Variants in ETV6 observed in about 807,000 individuals in gnomAD.
ETV6 encodes the protein transcription factor ETV6.
In ETV6, 16 loss-of-function variants were observed where a neutral mutation model predicts 51.1. The ratio of observed to expected loss-of-function variants is 0.31; its 90% CI spans 0.21 to 0.48. The LOEUF is 0.48. Ranked by LOEUF, ETV6 falls within the 20% of genes least tolerant of loss-of-function variation. ETV6 has a pLI of 0.99. For synonymous variants in ETV6, 240 were observed against 224.1 expected (o/e 1.07, Z -0.64); for missense variants, 458 against 594.8 (o/e 0.77, Z 2.39).
At chr12:11,809,217 T>C (rs1591688658) in intron 2 of ETV6, among the ~76,000 whole-genome samples, 3 of 144,836 alleles carry the variant, frequency 2.1e-5, no homozygotes, top group Admixed American at 2.1e-4. Context: ...GATAATGGCA[T>C]GATGAAACAG....
chr12:11,839,747 G>T (rs1478964778), intron 3 of ETV6, among the ~76,000 whole-genome samples: 1 of 152,164 alleles, frequency 6.6e-6, no homozygotes, highest in Admixed American at 6.5e-5. Context: ...GAGTGTGGTG[G>T]TGTACACCTG....
At chr12:11,747,420 A>G (rs1449635198) in intron 1 of ETV6, among the ~76,000 whole-genome samples, 4 of 152,104 alleles carry the variant, frequency 2.6e-5, no homozygotes, top group African/African-American at 9.7e-5. Context: ...AAAAGAAATC[A>G]TGAACTTCAC....
intron 2 of ETV6, among the ~76,000 whole-genome samples, chr12:11,787,017 A>G (rs188835414): frequency 5.9e-5 from 9 of 152,326 alleles, no homozygotes; most frequent in South Asian, 2.1e-4. Context: ...ATCTAGTCCA[A>G]TTATGCCCCC....
intron 3 of ETV6, among the ~76,000 whole-genome samples, chr12:11,853,024 T>C (rs1218922743): frequency 6.6e-6 from 1 of 152,106 alleles, no homozygotes; most frequent in African/African-American, 2.4e-5. Flanking sequence ...CTGTCTCTAC[T>C]GAAAATACAA....
chr12:11,699,374 T>C (rs1864936234), intron 1 of ETV6, among the ~76,000 whole-genome samples: 2 of 152,230 alleles, frequency 1.3e-5, no homozygotes, highest in Admixed American at 6.5e-5. Context: ...AATTAAGCAT[T>C]ACCCATTTTA....
intron 5 of ETV6, among the ~76,000 whole-genome samples, chr12:11,880,713 T>G (rs1947078006): frequency 6.6e-6 from 1 of 152,200 alleles, no homozygotes; most frequent in Non-Finnish European, 1.5e-5. Flanking sequence ...GTCACCCACC[T>G]TCATATGGGC....
At chr12:11,726,023 C>T (rs929272901) in intron 1 of ETV6, among the ~76,000 whole-genome samples, 3 of 152,198 alleles carry the variant, frequency 2.0e-5, no homozygotes, top group African/African-American at 7.2e-5. Context: ...CATCTGACTC[C>T]CTCCAGTTGC....
At chr12:11,837,338 G>A (rs569877380) in intron 2 of ETV6, among the ~76,000 whole-genome samples, 1 of 152,168 alleles carries the variant, frequency 6.6e-6, no homozygotes, top group South Asian at 2.1e-4. Flanking sequence ...GCTCTTAAAT[G>A]CTCATCTCTA....
At chr12:11,770,102 C>T (rs1945221605) in intron 2 of ETV6, among the ~76,000 whole-genome samples, 1 of 152,116 alleles carries the variant, frequency 6.6e-6, no homozygotes. Context: ...TGAGTTATAT[C>T]ATCTTCTTCA....
chr12:11,757,124 G>C (rs898875234), intron 2 of ETV6, among the ~76,000 whole-genome samples: 3 of 152,150 alleles, frequency 2.0e-5, no homozygotes, highest in Admixed American at 6.5e-5. Flanking sequence ...GTTTTCTGGA[G>C]TCAGAACACC....
intron 2 of ETV6, among the ~76,000 whole-genome samples, chr12:11,776,298 C>G (rs1945323171): frequency 1.6e-5 from 1 of 61,048 alleles, no homozygotes; most frequent in African/African-American, 3.7e-5. Context: ...CACCTTGGCT[C>G]AATCATTAAA....
intron 1 of ETV6, among the ~76,000 whole-genome samples, chr12:11,726,924 A>G (rs1415407100): frequency 6.6e-6 from 1 of 152,222 alleles, no homozygotes; most frequent in Non-Finnish European, 1.5e-5. Flanking sequence ...GCCTTTCAAG[A>G]TAGGTGTTTT....
At chr12:11,674,256 A>C (rs942648825) in intron 1 of ETV6, among the ~76,000 whole-genome samples, 1 of 152,206 alleles carries the variant, frequency 6.6e-6, no homozygotes, top group Admixed American at 6.5e-5. Context: ...GCAATATAAA[A>C]TGCCAGAGGA....
chr12:11,749,344 CA>C (rs1865975481), intron 1 of ETV6, among the ~76,000 whole-genome samples: 43 of 122,328 alleles, frequency 3.5e-4, no homozygotes, highest in Admixed American at 1.9e-3. Context: ...CACACACACA[CA>C]CACACCCCTA....
chr12:11,729,787 T>A (rs954161509), intron 1 of ETV6, among the ~76,000 whole-genome samples: 23 of 152,272 alleles, frequency 1.5e-4, no homozygotes, highest in Admixed American at 8.5e-4. Flanking sequence ...CTTTAAAAAA[T>A]TTTTTTATCT....
At chr12:11,731,375 G>A (rs952555609) in intron 1 of ETV6, among the ~76,000 whole-genome samples, 2 of 152,100 alleles carry the variant, frequency 1.3e-5, no homozygotes, top group African/African-American at 2.4e-5. Flanking sequence ...GGTTTTCTAC[G>A]TACTCAAAAT....
chr12:11,846,426 G>T (rs984762732), intron 3 of ETV6, among the ~76,000 whole-genome samples: 1 of 152,226 alleles, frequency 6.6e-6, no homozygotes, highest in African/African-American at 2.4e-5. Flanking sequence ...AACTTGAGAA[G>T]TTAAAAGTTG....
At chr12:11,696,708 C>T (rs911346608) in intron 1 of ETV6, among the ~76,000 whole-genome samples, 7 of 152,100 alleles carry the variant, frequency 4.6e-5, no homozygotes, top group African/African-American at 1.7e-4. Flanking sequence ...CCCAGCTATT[C>T]AGGAGGCTGA....
intron 2 of ETV6, among the ~76,000 whole-genome samples, chr12:11,825,309 AAC>A (rs779148740): frequency 1.3e-5 from 2 of 152,224 alleles, no homozygotes; most frequent in Non-Finnish European, 2.9e-5. Context: ...TTAAAAGAGA[AAC>A]ACAAGGGGGA....
Sources: allele counts gnomAD v4.1 joint callset (sites outside exome capture counted in the v4.1 genomes callset), GRCh38; gene constraint gnomAD v4.1.1; transcripts MANE v1.5; gene names NCBI Gene and HGNC (gene_info 2026-07-23, HGNC 2026-07-21).